BORA: variants seen among roughly 807,000 people sequenced by gnomAD.
BORA encodes BORA aurora kinase A activator.
A neutral mutation model predicts 55.8 loss-of-function variants in BORA; 26 were observed. That is an observed-to-expected ratio of 0.47 (90% CI 0.34 to 0.65). BORA has a LOEUF of 0.65. Among genes scored for constraint, BORA ranks in the 30% least tolerant of loss-of-function variants. The pLI, the probability that BORA is intolerant of heterozygous loss-of-function variation, is 0.01. For missense variants in BORA, 568 were observed against 671.5 expected (o/e 0.85, Z 1.70); for synonymous variants, 201 against 216.9 (o/e 0.93, Z 0.64).
intron 7 of BORA, 87 bp from the exon 8 acceptor site, chr13:72,744,894 A>C: frequency 7.9e-7 from 1 of 1,264,360 alleles, no homozygotes; most frequent in Non-Finnish European, 1.1e-6. Context: ...AACATAGTGC[A>C]TGCTGGCTTC....
At chr13:72,745,921 T>C (rs200780595) in intron 8 of BORA, 23 bp from the exon 9 acceptor site, 37 of 1,591,084 alleles carry the variant, frequency 2.3e-5, no homozygotes, top group Non-Finnish European at 3.1e-5. Context: ...TATACATTTA[T>C]TTACTATTTA....
In BORA at chr13:72,738,512, G is replaced by T. The variant is rs1256323223; in HGVS notation, c.388+469G>T. Among the ~76,000 whole-genome samples the T allele has an allele frequency of 2.0e-5, 3 of 152,100 alleles. No individual in the cohort carries two copies. The East Asian group carries it at 5.8e-4, about 29-fold the overall frequency. On this transcript the variant is annotated intron_variant, in intron 5 of 11. Coordinates refer to ENST00000390667, the MANE Select transcript of BORA (RefSeq NM_024808.5). ...GCTGAGTATCTGCAAAATTAATAAG[G>T]AAATTAAAGGGCAAGCCAGTAAGCT...
At chr13:72,729,130 A>C (rs2032753971) in intron 2 of BORA, 37 bp downstream of exon 2, 1 of 1,415,512 alleles carries the variant, frequency 7.1e-7, no homozygotes, top group Non-Finnish European at 9.5e-7. Flanking sequence ...AACTAATTTT[A>C]AATGTAAGTA....
Position 72,755,367 on chromosome 13 carries a change from C to A in BORA, c.*151C>A. On this transcript the variant is annotated 3_prime_UTR_variant, in exon 12 of 12. Coordinates refer to ENST00000390667, the MANE Select transcript of BORA (RefSeq NM_024808.5). ...ATGTGAAAAATCAAGGGCTTACTGA[C>A]ATAGGAACAACAGAAATGCTCCTGG... 1.7e-6 allele frequency: 1 copy of A among 577,200 alleles called. No individual in the cohort carries two copies. Among genetic ancestry groups the A allele is most frequent in the Non-Finnish European group, 3.0e-6 (1 of 333,708 alleles). 35.8% of individuals were successfully genotyped at this position (577,200 alleles called of 1,614,324 possible). A position where few individuals can be genotyped will look rare whatever the true frequency, so the allele number is the denominator to read the frequency against.
At chr13:72,748,532 T>G (rs2033197574) in intron 10 of BORA, among the ~76,000 whole-genome samples, 1 of 152,190 alleles carries the variant, frequency 6.6e-6, no homozygotes, top group African/African-American at 2.4e-5. Context: ...ATATAGTATT[T>G]TGCTCATATT....
At chr13:72,744,591 T>C (rs778611594) in intron 7 of BORA, 30 bp downstream of exon 7, 1 of 1,522,454 alleles carries the variant, frequency 6.6e-7, no homozygotes, top group South Asian at 1.2e-5. Flanking sequence ...AAACTTTTAA[T>C]AACTTGAACC....
chr13:72,742,119 G>A lies in BORA; in HGVS notation c.389-1418G>A, dbSNP rs150786724. On this transcript the variant is annotated intron_variant, in intron 5 of 11. Coordinates refer to ENST00000390667, the MANE Select transcript of BORA (RefSeq NM_024808.5). ...CATCCAAAATTTTCTTTATTTACCC[G>A]TTTTGATAGTATTTCACAGGGAAAT... Among the ~76,000 whole-genome samples the A allele has an allele frequency of 4.6e-3, 694 of 151,968 alleles. 9 individuals carry two copies. Among genetic ancestry groups the A allele is most frequent in the African/African-American group, 0.015 (619 of 41,444 alleles).
chr13:72,743,758 C>CT (rs2033084896), intron 6 of BORA, among the ~76,000 whole-genome samples, 156 bp downstream of exon 6: 2 of 150,424 alleles, frequency 1.3e-5, no homozygotes, highest in African/African-American at 2.4e-5. Flanking sequence ...GGGTCACACT[C>CT]TGTCACCCAG....
intron 9 of BORA, 35 bp from the exon 10 acceptor site, chr13:72,746,466 T>C: frequency 6.4e-7 from 1 of 1,565,432 alleles, no homozygotes; most frequent in Non-Finnish European, 8.6e-7. Flanking sequence ...TTCATGTTTT[T>C]ATGATGTGAT....
At chr13:72,744,466 C>T in intron 6 of BORA, 39 bp from the exon 7 acceptor site, 1 of 1,546,380 alleles carries the variant, frequency 6.5e-7, no homozygotes. Flanking sequence ...ATTGATTTAT[C>T]CCATGTTTGA....
chr13:72,743,828 C>T (rs1041117463), intron 6 of BORA, among the ~76,000 whole-genome samples: 9 of 151,800 alleles, frequency 5.9e-5, no homozygotes, highest in Admixed American at 4.6e-4. Flanking sequence ...GTTGACTTCC[C>T]GAGCTCCAGT....
At chr13:72,731,218 GT>G in intron 2 of BORA, 62 bp from the exon 3 acceptor site, 1 of 925,528 alleles carries the variant, frequency 1.1e-6, no homozygotes, top group Non-Finnish European at 1.7e-6. Flanking sequence ...TCTCACATAG[GT>G]TAGCATTTTG....
chr13:72,731,018 A>C (rs576419919), intron 2 of BORA, among the ~76,000 whole-genome samples: 5 of 152,122 alleles, frequency 3.3e-5, no homozygotes, highest in Admixed American at 3.3e-4. Context: ...CAGTGAGCTG[A>C]GATTACACCA....
At chr13:72,744,951 C>T in intron 7 of BORA, 30 bp from the exon 8 acceptor site, 9 of 1,584,624 alleles carry the variant, frequency 5.7e-6, no homozygotes, top group Non-Finnish European at 6.1e-6. Context: ...AAATGACTAG[C>T]TTTGCCTTTT....
chr13:72,745,269 TG>T, intron 8 of BORA, 62 bp downstream of exon 8: 1 of 1,406,778 alleles, frequency 7.1e-7, no homozygotes, highest in Non-Finnish European at 1.0e-6. Context: ...CACATTTTGT[TG>T]TTGTTCTATC....
chr13:72,751,309 T>C (rs983948437), intron 10 of BORA, among the ~76,000 whole-genome samples: 1 of 152,186 alleles, frequency 6.6e-6, no homozygotes, highest in African/African-American at 2.4e-5. Context: ...CCAGTGTTTA[T>C]TGCTGCACTA....
rs2033467402 is a variant in BORA at position 72,756,188 on chromosome 13, T to C, written c.*972T>C. 12 of 40,910 alleles carry C rather than the reference T, an allele frequency of 2.9e-4. No individual in the cohort carries two copies. In the East Asian group the frequency reaches 6.7e-3, roughly 23 times the overall value. The allele number at this position is 40,910 out of a possible 1,614,324, so 2.5% of individuals were successfully genotyped here. A position where few individuals can be genotyped will look rare whatever the true frequency, so the allele number is the denominator to read the frequency against. On this transcript the variant is annotated 3_prime_UTR_variant, in exon 12 of 12. Coordinates refer to ENST00000390667, the MANE Select transcript of BORA (RefSeq NM_024808.5). ...TCATTCAAAAGGGAATAAAGACCTG[T>C]GTTATCAATGTGTCATTTTCTTCTT...
At chr13:72,745,649 T>C (rs2033125260) in intron 8 of BORA, among the ~76,000 whole-genome samples, 1 of 152,204 alleles carries the variant, frequency 6.6e-6, no homozygotes, top group Admixed American at 6.5e-5. Flanking sequence ...TACAGTATAA[T>C]ACAACTGGCT....
intron 6 of BORA, among the ~76,000 whole-genome samples, chr13:72,744,229 C>T (rs1337925977): frequency 6.6e-6 from 1 of 152,192 alleles, no homozygotes; most frequent in African/African-American, 2.4e-5. Flanking sequence ...TGAGAAATCT[C>T]CCCCCAGATA....
Sources: gnomAD v4.1 joint callset for allele counts (sites outside exome capture counted in the v4.1 genomes callset) on GRCh38, gnomAD v4.1.1 for gene constraint, MANE v1.5 for transcripts, NCBI Gene and HGNC (gene_info 2026-07-23, HGNC 2026-07-21) for gene names.